Variants in ST7 observed in about 807,000 individuals in gnomAD.
ST7 encodes the protein suppression of tumorigenicity 7.
ST7 carries 28 observed loss-of-function variants against 78.7 expected under a neutral mutation model. The observed-to-expected ratio is 0.36, with a 90% CI of 0.26 to 0.49. The LOEUF is 0.49. Among genes scored for constraint, ST7 ranks in the 20% least tolerant of loss-of-function variants. The pLI is 0.99. For missense variants in ST7, 418 were observed against 696.0 expected, an observed-to-expected ratio of 0.60 and a Z score of 4.49; for synonymous variants, 247 against 249.6, an observed-to-expected ratio of 0.99 and a Z score of 0.10.
At chr7:117,025,682 A>G (rs1289550241) in intron 1 of ST7, among the ~76,000 whole-genome samples, 1 of 152,226 alleles carries the variant, frequency 6.6e-6, no homozygotes, top group Non-Finnish European at 1.5e-5. Flanking sequence ...ATACTGGAAC[A>G]TAGTCATACA....
At chr7:117,202,792 G>A (rs193581) in intron 12 of ST7, among the ~76,000 whole-genome samples, 97,944 of 152,002 alleles carry the variant, frequency 0.64, 32,175 homozygotes, top group East Asian at 0.92. Context: ...AGGGTTCCCC[G>A]GACCTCTCTT....
chr7:116,986,501 A>AC (rs770041409), intron 1 of ST7, among the ~76,000 whole-genome samples: 21 of 152,236 alleles, frequency 1.4e-4, no homozygotes, highest in South Asian at 4.1e-4. Flanking sequence ...TCATTTTCTG[A>AC]GAATGCCACT....
Position 117,201,991 on chromosome 7 carries a change from C to T in ST7, c.1255-7796C>T, listed in dbSNP as rs1166471021. Among the ~76,000 whole-genome samples, 5 of 18,708 alleles carry T rather than the reference C, an allele frequency of 2.7e-4. 2 individuals are homozygous for T. Among genetic ancestry groups the T allele is most frequent in the Admixed American group, 2.4e-3 (2 of 848 alleles). The allele number at this position is 18,708 out of a possible 152,430, so 12.3% of individuals were successfully genotyped here. A position where few individuals can be genotyped will look rare whatever the true frequency, so the allele number is the denominator to read the frequency against. On this transcript the variant is annotated intron_variant, in intron 12 of 15. Coordinates refer to ENST00000323984, the MANE Select transcript of ST7 (RefSeq NM_001369598.1). The stretch of plus-strand genomic sequence containing the variant: ...TTTTTTTTTTTTTGAGACGGAGTCT[C>T]GCTCTGACGCCCAGGCTGGAGTGCA...
chr7:117,062,977 A>G (rs1798434988), intron 1 of ST7, among the ~76,000 whole-genome samples: 1 of 152,262 alleles, frequency 6.6e-6, no homozygotes, highest in African/African-American at 2.4e-5. Context: ...TTTCAAGTAG[A>G]AGAAAAGAAT....
intron 10 of ST7, among the ~76,000 whole-genome samples, chr7:117,175,400 T>G (rs1442731762): frequency 1.3e-5 from 2 of 152,224 alleles, no homozygotes; most frequent in Non-Finnish European, 2.9e-5. Flanking sequence ...CATATGTTTC[T>G]TATTCATTGT....
At chr7:116,987,446 C>T (rs1053304946) in intron 1 of ST7, among the ~76,000 whole-genome samples, 10 of 152,202 alleles carry the variant, frequency 6.6e-5, no homozygotes, top group Non-Finnish European at 2.9e-5. Flanking sequence ...CCTCTTTTGA[C>T]GTTCTTTGCC....
chr7:117,058,312 A>G (rs1798170952), intron 1 of ST7, among the ~76,000 whole-genome samples: 1 of 152,164 alleles, frequency 6.6e-6, no homozygotes, highest in Non-Finnish European at 1.5e-5. Flanking sequence ...TTTTCCAGTG[A>G]AATATAAACA....
chr7:117,138,985 C>A (rs1805038726), intron 9 of ST7, among the ~76,000 whole-genome samples: 1 of 152,116 alleles, frequency 6.6e-6, no homozygotes, highest in African/African-American at 2.4e-5. Flanking sequence ...GGTCAAATTA[C>A]TACTCTCAAA....
intron 9 of ST7, among the ~76,000 whole-genome samples, chr7:117,144,465 CAAAA>C (rs755607145): frequency 8.1e-6 from 1 of 123,416 alleles, no homozygotes; most frequent in Non-Finnish European, 1.8e-5. Context: ...CCATCTCTAC[CAAAA>C]AAAAAAAAAA....
At chr7:117,154,547 T>C (rs1469692842) in intron 9 of ST7, among the ~76,000 whole-genome samples, 2 of 152,144 alleles carry the variant, frequency 1.3e-5, no homozygotes, top group Non-Finnish European at 2.9e-5. Context: ...TTTTGTTTAC[T>C]TGATTAGATA....
At chr7:117,026,551 A>T (rs1176052292) in intron 1 of ST7, among the ~76,000 whole-genome samples, 1 of 152,254 alleles carries the variant, frequency 6.6e-6, no homozygotes, top group Non-Finnish European at 1.5e-5. Flanking sequence ...GAGCAAAAAA[A>T]TGAATATGCA....
At chr7:117,004,436 G>A (rs1039282245) in intron 1 of ST7, among the ~76,000 whole-genome samples, 15 of 152,024 alleles carry the variant, frequency 9.9e-5, no homozygotes, top group Non-Finnish European at 1.8e-4. Flanking sequence ...TGAGGTAGGC[G>A]GATCATATGA....
At chr7:117,216,567 A>T (rs1792704592) in intron 13 of ST7, among the ~76,000 whole-genome samples, 1 of 152,192 alleles carries the variant, frequency 6.6e-6, no homozygotes, top group Non-Finnish European at 1.5e-5. Context: ...GTCATGGAGC[A>T]GTTGCATGTC....
chr7:117,074,979 G>A (rs1799240428), intron 1 of ST7, among the ~76,000 whole-genome samples: 2 of 152,088 alleles, frequency 1.3e-5, no homozygotes, highest in Admixed American at 6.5e-5. Context: ...TGGGTTAGTG[G>A]GTGAATTTAG....
intron 12 of ST7, among the ~76,000 whole-genome samples, chr7:117,208,904 T>TGTGTGG (rs1792033988): frequency 8.9e-5 from 1 of 11,214 alleles, no homozygotes; most frequent in African/African-American, 2.8e-4. Context: ...TATGTGTGGG[T>TGTGTGG]GTGTGTGTGT....
intron 1 of ST7, among the ~76,000 whole-genome samples, chr7:117,054,169 C>G (rs1797941965): frequency 1.3e-5 from 2 of 152,108 alleles, no homozygotes; most frequent in African/African-American, 4.8e-5. Flanking sequence ...GCTAGCTTTC[C>G]CACACTCTGA....
intron 10 of ST7, among the ~76,000 whole-genome samples, chr7:117,183,303 A>G (rs1055829386): frequency 6.6e-6 from 1 of 151,780 alleles, no homozygotes; most frequent in African/African-American, 2.4e-5. Context: ...GTGTGCACCT[A>G]TAGTCCCAGC....
At chr7:117,058,000 G>A (rs1798152212) in intron 1 of ST7, among the ~76,000 whole-genome samples, 1 of 152,020 alleles carries the variant, frequency 6.6e-6, no homozygotes, top group South Asian at 2.1e-4. Flanking sequence ...CTTGTGTGGG[G>A]GCCACAGATG....
intron 6 of ST7, among the ~76,000 whole-genome samples, chr7:117,132,356 A>G (rs1310107271): frequency 6.6e-6 from 1 of 151,840 alleles, no homozygotes; most frequent in East Asian, 1.9e-4. Flanking sequence ...TGATAACAAC[A>G]TAAGGTTTAA....
Sources: gnomAD v4.1 joint callset for allele counts (sites outside exome capture counted in the v4.1 genomes callset) on GRCh38, gnomAD v4.1.1 for gene constraint, MANE v1.5 for transcripts, NCBI Gene and HGNC (gene_info 2026-07-23, HGNC 2026-07-21) for gene names.